Variants in RAB13 observed in about 807,000 individuals in gnomAD.
The protein encoded by RAB13 is ras-related protein Rab-13.
A neutral mutation model predicts 29.3 loss-of-function variants in RAB13; 15 were observed. That is an observed-to-expected ratio of 0.51 (90% CI 0.34 to 0.79). The LOEUF (loss-of-function observed/expected upper bound fraction) is 0.79, where lower values mean the gene tolerates loss of function less well. Among genes scored for constraint, RAB13 ranks in the 30% least tolerant of loss-of-function variants. The pLI is 0.01. For synonymous variants in RAB13, 82 were observed against 93.8 expected (o/e 0.87, Z 0.73); for missense variants, 186 against 255.5 (o/e 0.73, Z 1.85).
intron 2 of RAB13, among the ~76,000 whole-genome samples, chr1:153,984,291 A>C (rs1649094125): frequency 6.6e-6 from 1 of 152,052 alleles, no homozygotes; most frequent in Non-Finnish European, 1.5e-5. Flanking sequence ...CTGCTCTTAT[A>C]TGTCATAGCA....
chr1:153,983,958 C>T (rs1229765646), intron 2 of RAB13, among the ~76,000 whole-genome samples: 1 of 152,030 alleles, frequency 6.6e-6, no homozygotes, highest in African/African-American at 2.4e-5. Flanking sequence ...GGGTGGATCA[C>T]CTGAGGTCAG....
At chr1:153,982,998 G>T in intron 4 of RAB13, 190 bp from the exon 5 acceptor site, 1 of 712,714 alleles carries the variant, frequency 1.4e-6, no homozygotes, top group Non-Finnish European at 2.4e-6. Flanking sequence ...GGTGGTGCAT[G>T]CCTGTAATCC....
At chr1:153,989,416 ATT>A (rs1177719472), upstream of RAB13, among the ~76,000 whole-genome samples, 3 of 147,636 alleles carry the variant, frequency 2.0e-5, no homozygotes, top group Non-Finnish European at 4.5e-5. Flanking sequence ...CGCCCGGCTA[ATT>A]TTTTGTATTT....
chr1:153,988,284 G>A (rs1162575026), upstream of RAB13, among the ~76,000 whole-genome samples: 1 of 141,034 alleles, frequency 7.1e-6, no homozygotes, highest in Admixed American at 7.4e-5. Flanking sequence ...GAGCCACCAC[G>A]CCTGGCCCTA....
upstream of RAB13, among the ~76,000 whole-genome samples, chr1:153,986,884 G>T (rs77449937): frequency 6.6e-6 from 1 of 152,130 alleles, no homozygotes; most frequent in Admixed American, 6.5e-5. Flanking sequence ...GCAGAAGTAG[G>T]TTATTTGTTG....
chr1:153,983,373 A>T, intron 3 of RAB13, 77 bp from the exon 4 acceptor site: 2 of 1,492,164 alleles, frequency 1.3e-6, no homozygotes, highest in Admixed American at 3.3e-5. Context: ...CCCCGCATCC[A>T]TGGGTCTAAA....
chr1:153,983,051 G>C (rs1236261605), intron 4 of RAB13, 168 bp downstream of exon 4: 1 of 754,400 alleles, frequency 1.3e-6, no homozygotes, highest in African/African-American at 1.7e-5. Flanking sequence ...TTTGAACCTG[G>C]GAGGCAGAGG....
chr1:153,984,682 TG>T, intron 2 of RAB13, 38 bp downstream of exon 2: 2 of 1,548,624 alleles, frequency 1.3e-6, no homozygotes, highest in Non-Finnish European at 1.8e-6. Flanking sequence ...AGGAGGTAAA[TG>T]GGGAAGTCTG....
intron 1 of RAB13, chr1:153,985,172 C>T (rs917388732): frequency 3.0e-6 from 3 of 1,014,692 alleles, no homozygotes; most frequent in Non-Finnish European, 2.4e-6. Context: ...TCTTGGTATC[C>T]CACCTACCCT....
rs1255167336 is a variant in RAB13 at position 153,986,008 on chromosome 1, G to A, written c.124+105C>T. On this transcript the variant is annotated intron_variant, in intron 1 of 7. Coordinates refer to ENST00000368575, the MANE Select transcript of RAB13 (RefSeq NM_002870.5). ...CAGGGGTTGAGGGACTAGAATTTAG[G>A]AGCCTTACTCTAAGGGGACTGAAAA... is the stretch of plus-strand genomic sequence containing the variant. 1.6e-5 allele frequency: 24 copies of A among 1,528,568 alleles called. No individual in the cohort carries two copies. In the Middle Eastern group the frequency reaches 9.5e-4, roughly 61 times the overall value. The allele number at this position is 1,528,568 out of a possible 1,614,324, so 94.7% of individuals were successfully genotyped here. A position where few individuals can be genotyped will look rare whatever the true frequency, so the allele number is the denominator to read the frequency against.
upstream of RAB13, among the ~76,000 whole-genome samples, chr1:153,989,202 G>C (rs1649276067): frequency 6.8e-6 from 1 of 146,530 alleles, no homozygotes; most frequent in Non-Finnish European, 1.5e-5. Context: ...AAAGTGCTGG[G>C]ATTACAGGCC....
chr1:153,985,394 A>G (rs1649131665), intron 1 of RAB13: 1 of 980,592 alleles, frequency 1.0e-6, no homozygotes, highest in South Asian at 4.7e-5. Flanking sequence ...GAAAGAAGAG[A>G]AGGGAGGAGG....
upstream of RAB13, chr1:153,986,354 C>T: frequency 2.5e-6 from 2 of 813,772 alleles, no homozygotes; most frequent in South Asian, 1.7e-5. Context: ...TTTCCTCCCT[C>T]TCCGCCCAGG....
chr1:153,983,947 C>T (rs557663384), intron 2 of RAB13, among the ~76,000 whole-genome samples: 11 of 152,038 alleles, frequency 7.2e-5, no homozygotes, highest in East Asian at 1.9e-4. Context: ...GAGGCTGAGG[C>T]GGGTGGATCA....
chr1:153,986,077 G>C (rs199609434), intron 1 of RAB13, 36 bp downstream of exon 1: 2 of 1,611,950 alleles, frequency 1.2e-6, no homozygotes, highest in Non-Finnish European at 1.7e-6. Context: ...GAGGTCACAG[G>C]AGAGTCGGGG....
At chr1:153,982,338 C>G in intron 7 of RAB13, 53 bp downstream of exon 7, 8 of 1,491,650 alleles carry the variant, frequency 5.4e-6, no homozygotes, top group African/African-American at 1.6e-5. Flanking sequence ...CACACACATA[C>G]ATACACACAC....
At chr1:153,985,180 C>G (rs1040571698) in intron 1 of RAB13, 1 of 1,012,848 alleles carries the variant, frequency 9.9e-7, no homozygotes, top group African/African-American at 1.7e-5. Flanking sequence ...TCCCACCTAC[C>G]CTCCTAGTAG....
chr1:153,989,614 C>T (rs1247653028), upstream of RAB13, among the ~76,000 whole-genome samples: 4 of 151,882 alleles, frequency 2.6e-5, no homozygotes, highest in East Asian at 7.9e-4. Flanking sequence ...AATTAAAGGC[C>T]GGACGCGGTG....
upstream of RAB13, among the ~76,000 whole-genome samples, chr1:153,988,390 T>G: frequency 1.4e-5 from 2 of 147,294 alleles, no homozygotes. Context: ...GCCTCCTGGG[T>G]TCACGCCATT....
Sources: gnomAD v4.1 joint callset for allele counts (sites outside exome capture counted in the v4.1 genomes callset) on GRCh38, gnomAD v4.1.1 for gene constraint, MANE v1.5 for transcripts, NCBI Gene and HGNC (gene_info 2026-07-23, HGNC 2026-07-21) for gene names.